SLC29A3: variants seen among roughly 807,000 people sequenced by gnomAD.
SLC29A3 encodes equilibrative nucleoside transporter 3.
SLC29A3 carries 18 observed loss-of-function variants against 25.4 expected under a neutral mutation model. That is an observed-to-expected ratio of 0.71 (90% CI 0.49 to 1.05). SLC29A3 has a LOEUF of 1.05. Ranked by LOEUF, SLC29A3 falls within the 50% of genes least tolerant of loss-of-function variation. The probability of loss-of-function intolerance (pLI) is 0.00; values close to 1 mark genes in which losing one functional copy is unlikely to be tolerated. For synonymous variants in SLC29A3, 258 were observed against 267.1 expected, an observed-to-expected ratio of 0.97 and a Z score of 0.33; for missense variants, 586 against 609.0, an observed-to-expected ratio of 0.96 and a Z score of 0.40.
At chr10:71,320,621 A>C (rs1845827289) in intron 1 of SLC29A3, among the ~76,000 whole-genome samples, 1 of 152,200 alleles carries the variant, frequency 6.6e-6, no homozygotes, top group South Asian at 2.1e-4. Context: ...CTCCATGCGA[A>C]TCCAGGCTGG....
At chr10:71,327,939 C>T (rs1164355359) in intron 2 of SLC29A3, among the ~76,000 whole-genome samples, 1 of 152,126 alleles carries the variant, frequency 6.6e-6, no homozygotes, top group Admixed American at 6.5e-5. Context: ...CCTTGCCCTC[C>T]CCCAGGCTCT....
intron 3 of SLC29A3, chr10:71,375,560 G>A (rs1484254046): frequency 6.6e-6 from 1 of 152,068 alleles, no homozygotes; most frequent in Non-Finnish European, 1.5e-5. Context: ...AGGTGATAGT[G>A]GTTTTCCATT....
downstream of SLC29A3, among the ~76,000 whole-genome samples, chr10:71,368,369 T>C (rs972365644): frequency 3.9e-5 from 6 of 152,276 alleles, no homozygotes; most frequent in Non-Finnish European, 2.9e-5. Flanking sequence ...TTTTTGCTGC[T>C]GCCTGGACAA....
chr10:71,336,912 A>C (rs763525213), intron 2 of SLC29A3, among the ~76,000 whole-genome samples: 1 of 152,152 alleles, frequency 6.6e-6, no homozygotes, highest in Non-Finnish European at 1.5e-5. Flanking sequence ...CAAGATTTAC[A>C]GTGAGCCCAG....
intron 3 of SLC29A3, among the ~76,000 whole-genome samples, chr10:71,347,283 G>T (rs2131832943): frequency 1.3e-5 from 2 of 152,284 alleles, no homozygotes; most frequent in East Asian, 3.9e-4. Context: ...GACTTATGAA[G>T]AAATCATAAG....
chr10:71,376,801 T>C (rs1847255570), intron 4 of SLC29A3, among the ~76,000 whole-genome samples: 1 of 152,168 alleles, frequency 6.6e-6, no homozygotes, highest in Non-Finnish European at 1.5e-5. Flanking sequence ...TCTCCCTTCG[T>C]TGCCCAGACT....
chr10:71,334,319 G>T (rs543160015), intron 2 of SLC29A3, among the ~76,000 whole-genome samples: 1 of 152,226 alleles, frequency 6.6e-6, no homozygotes, highest in Non-Finnish European at 1.5e-5. Context: ...ACCGAAGGCC[G>T]ACCGCGTTCC....
rs139116265 is a variant in SLC29A3, at chr10:71,373,603, C to T, written c.*95-2092C>T. Reference sequence around the variant, plus strand: ...AGAGTGCCTTGTGAACTGCAAAAAGCGTATCAGATATTAGCTCTTATTATT... The same window carrying T: ...AGAGTGCCTTGTGAACTGCAAAAAGTGTATCAGATATTAGCTCTTATTATT... On this transcript the variant is annotated intron_variant and NMD_transcript_variant, in intron 3 of 4. Coordinates refer to the SLC29A3 transcript ENST00000642772. 7.8e-3 allele frequency among the ~76,000 whole-genome samples: 1,192 copies of T among 152,280 alleles called. 15 individuals carry two copies. Among genetic ancestry groups the T allele is most frequent in the African/African-American group, 0.026 (1,064 of 41,542 alleles).
At chr10:71,353,675 T>C (rs532938349) in intron 4 of SLC29A3, among the ~76,000 whole-genome samples, 2 of 152,286 alleles carry the variant, frequency 1.3e-5, no homozygotes, top group Non-Finnish European at 2.9e-5. Context: ...AATCAAGGTG[T>C]CCCAGTCTTC....
chr10:71,376,544 G>A (rs915403489), intron 4 of SLC29A3, among the ~76,000 whole-genome samples: 2 of 152,184 alleles, frequency 1.3e-5, no homozygotes, highest in Admixed American at 6.5e-5. Flanking sequence ...CAATAACAAT[G>A]TCACTTATTA....
chr10:71,345,304 T>C (rs1846538882), intron 3 of SLC29A3, among the ~76,000 whole-genome samples: 1 of 152,230 alleles, frequency 6.6e-6, no homozygotes, highest in African/African-American at 2.4e-5. Flanking sequence ...TGTCATACTC[T>C]CTCCTGCAGT....
chr10:71,361,891 C>G (rs972443277), intron 5 of SLC29A3, 63 bp from the exon 6 acceptor site: 2 of 1,601,752 alleles, frequency 1.2e-6, no homozygotes, highest in Admixed American at 1.7e-5. Context: ...GTGCCCACCC[C>G]TGGCTGTGCT....
At chr10:71,328,924 A>G (rs1846045044) in intron 2 of SLC29A3, among the ~76,000 whole-genome samples, 1 of 152,176 alleles carries the variant, frequency 6.6e-6, no homozygotes, top group Non-Finnish European at 1.5e-5. Flanking sequence ...GCAAGATAGC[A>G]TACTTGGGAT....
intron 4 of SLC29A3, among the ~76,000 whole-genome samples, chr10:71,377,898 A>G (rs988818073): frequency 5.3e-5 from 8 of 151,644 alleles, no homozygotes; most frequent in Non-Finnish European, 1.0e-4. Context: ...CAGATTAAGC[A>G]TCTTGGCCAA....
At chr10:71,331,525 G>A (rs1339422364) in intron 2 of SLC29A3, among the ~76,000 whole-genome samples, 1 of 152,194 alleles carries the variant, frequency 6.6e-6, no homozygotes, top group Non-Finnish European at 1.5e-5. Flanking sequence ...GCTCAGCGAG[G>A]TCCATGAGCA....
intron 3 of SLC29A3, among the ~76,000 whole-genome samples, chr10:71,349,380 G>T (rs2131835996): frequency 6.6e-6 from 1 of 152,316 alleles, no homozygotes; most frequent in African/African-American, 2.4e-5. Context: ...CAACTGGCTA[G>T]ATGGCAGCCA....
chr10:71,329,501 G>A (rs1006074931), intron 2 of SLC29A3, among the ~76,000 whole-genome samples: 2 of 151,422 alleles, frequency 1.3e-5, no homozygotes, highest in East Asian at 3.9e-4. Context: ...CATCCCACGT[G>A]TTCCACTCAC....
At chr10:71,330,614 G>C (rs1846095396) in intron 2 of SLC29A3, among the ~76,000 whole-genome samples, 1 of 152,226 alleles carries the variant, frequency 6.6e-6, no homozygotes, top group Non-Finnish European at 1.5e-5. Flanking sequence ...TTTGCCCACA[G>C]ACCCACCTGG....
chr10:71,372,463 G>C (rs1847218785), intron 3 of SLC29A3, among the ~76,000 whole-genome samples: 1 of 152,202 alleles, frequency 6.6e-6, no homozygotes, highest in Non-Finnish European at 1.5e-5. Context: ...GCAGATTGCT[G>C]TATCCACTCC....
Sources: gnomAD v4.1 joint callset for allele counts (sites outside exome capture counted in the v4.1 genomes callset) on GRCh38, gnomAD v4.1.1 for gene constraint, MANE v1.5 for transcripts, NCBI Gene and HGNC (gene_info 2026-07-23, HGNC 2026-07-21) for gene names.